The following ADAMTS17 variants were observed in gnomAD, a reference collection of about 807,000 sequenced individuals.
ADAMTS17 encodes ADAM metallopeptidase with thrombospondin type 1 motif 17, also known as A disintegrin and metalloproteinase with thrombospondin motifs 17.
ADAMTS17 carries 113 observed loss-of-function variants against 141.5 expected under a neutral mutation model. That is an observed-to-expected ratio of 0.80 (90% CI 0.69 to 0.93). The LOEUF (loss-of-function observed/expected upper bound fraction) is 0.93, where lower values mean the gene tolerates loss of function less well. Among genes scored for constraint, ADAMTS17 ranks in the 40% least tolerant of loss-of-function variants. The pLI is 0.00. For missense variants in ADAMTS17, 1,659 were observed against 1,517.9 expected, an observed-to-expected ratio of 1.09 and a Z score of -1.54; for synonymous variants, 768 against 630.6, an observed-to-expected ratio of 1.22 and a Z score of -3.27.
At chr15:100,137,867 C>A in intron 10 of ADAMTS17, among the ~76,000 whole-genome samples, 1 of 152,098 alleles carries the variant, frequency 6.6e-6, no homozygotes, top group East Asian at 1.9e-4. Flanking sequence ...CCTTTCACTA[C>A]CAACACCCAC....
chr15:100,289,012 C>A (rs1322533199), intron 3 of ADAMTS17, among the ~76,000 whole-genome samples: 1 of 151,950 alleles, frequency 6.6e-6, no homozygotes, highest in Non-Finnish European at 1.5e-5. Context: ...CACAGCTGAA[C>A]TGAATAAAAT....
chr15:100,081,342 A>G (rs1310219884), intron 15 of ADAMTS17, among the ~76,000 whole-genome samples: 1 of 152,162 alleles, frequency 6.6e-6, no homozygotes, highest in African/African-American at 2.4e-5. Flanking sequence ...AATACTTAAT[A>G]AACTCCCCTA....
intron 3 of ADAMTS17, among the ~76,000 whole-genome samples, chr15:100,314,089 G>A (rs1261849816): frequency 6.6e-6 from 1 of 152,208 alleles, no homozygotes; most frequent in Non-Finnish European, 1.5e-5. Flanking sequence ...AGAAACGTCA[G>A]ACAAAACCAA....
chr15:100,205,784 G>C (rs4387578), intron 7 of ADAMTS17, among the ~76,000 whole-genome samples: 1 of 152,234 alleles, frequency 6.6e-6, no homozygotes, highest in Non-Finnish European at 1.5e-5. Flanking sequence ...AGGGGAAGCA[G>C]CCTCCAGGCC....
intron 21 of ADAMTS17, among the ~76,000 whole-genome samples, chr15:99,975,278 C>T (rs553685899): frequency 2.0e-3 from 298 of 152,326 alleles, no homozygotes; most frequent in Admixed American, 3.3e-3. Flanking sequence ...GGCACGATCT[C>T]GGCTCACTAC....
At chr15:100,086,465 G>A (rs1295596518) in intron 15 of ADAMTS17, among the ~76,000 whole-genome samples, 1 of 152,002 alleles carries the variant, frequency 6.6e-6, no homozygotes, top group African/African-American at 2.4e-5. Context: ...AGGATATCCA[G>A]GAATTGAACT....
chr15:100,198,749 G>C (rs1236301413), intron 8 of ADAMTS17, among the ~76,000 whole-genome samples: 1 of 152,190 alleles, frequency 6.6e-6, no homozygotes, highest in Non-Finnish European at 1.5e-5. Context: ...CTGACGCTCT[G>C]TTTCCTCATC....
chr15:100,136,199 G>T (rs1258898235), intron 10 of ADAMTS17, among the ~76,000 whole-genome samples: 1 of 152,170 alleles, frequency 6.6e-6, no homozygotes. Flanking sequence ...CAGAACAGAT[G>T]AATGCTGGTA....
intron 8 of ADAMTS17, among the ~76,000 whole-genome samples, chr15:100,174,496 T>G (rs996723824): frequency 4.0e-4 from 61 of 152,348 alleles, no homozygotes; most frequent in Non-Finnish European, 5.9e-5. Context: ...GAAATTTCCA[T>G]GCAGTTTCAT....
chr15:100,032,444 A>G (rs2030270921), intron 18 of ADAMTS17, among the ~76,000 whole-genome samples: 1 of 152,180 alleles, frequency 6.6e-6, no homozygotes, highest in Non-Finnish European at 1.5e-5. Flanking sequence ...CCAGAAAACC[A>G]ACTAACTACA....
At chr15:100,310,235 C>G (rs2045358959) in intron 3 of ADAMTS17, among the ~76,000 whole-genome samples, 1 of 152,180 alleles carries the variant, frequency 6.6e-6, no homozygotes, top group Non-Finnish European at 1.5e-5. Context: ...AGGGACAAAG[C>G]AGGCAGGAGA....
intron 18 of ADAMTS17, among the ~76,000 whole-genome samples, chr15:100,039,650 A>ACTGGCCT (rs2031068639): frequency 6.6e-6 from 1 of 152,150 alleles, no homozygotes; most frequent in South Asian, 2.1e-4. Flanking sequence ...AGATTTATTT[A>ACTGGCCT]CTGGCCTAGT....
chr15:100,331,791 A>G (rs1430828431), intron 2 of ADAMTS17, among the ~76,000 whole-genome samples: 1 of 151,950 alleles, frequency 6.6e-6, no homozygotes, highest in Non-Finnish European at 1.5e-5. Flanking sequence ...GACACACTAC[A>G]CCCCTGGTTC....
intron 15 of ADAMTS17, among the ~76,000 whole-genome samples, chr15:100,087,701 C>A (rs530446051): frequency 6.6e-6 from 1 of 152,148 alleles, no homozygotes; most frequent in African/African-American, 2.4e-5. Flanking sequence ...AATCAAGAAA[C>A]GTAATCCAGC....
intron 3 of ADAMTS17, among the ~76,000 whole-genome samples, chr15:100,288,485 A>G (rs1306106607): frequency 2.0e-5 from 3 of 152,256 alleles, no homozygotes; most frequent in African/African-American, 7.2e-5. Context: ...AAAGATATTC[A>G]GGACGTGAAC....
intron 3 of ADAMTS17, among the ~76,000 whole-genome samples, chr15:100,329,758 C>T (rs1208563994): frequency 6.6e-6 from 1 of 152,178 alleles, no homozygotes; most frequent in Non-Finnish European, 1.5e-5. Context: ...ACCTCTAATA[C>T]TCACCTTGCC....
chr15:100,299,712 T>C (rs537975574), intron 3 of ADAMTS17, among the ~76,000 whole-genome samples: 2 of 152,296 alleles, frequency 1.3e-5, no homozygotes, highest in African/African-American at 4.8e-5. Flanking sequence ...TTGACAAGGA[T>C]GTAAGAGAAA....
chr15:100,297,491 T>A (rs569481042), intron 3 of ADAMTS17, among the ~76,000 whole-genome samples: 3 of 151,950 alleles, frequency 2.0e-5, no homozygotes, highest in African/African-American at 7.2e-5. Flanking sequence ...AAGAAGCAAA[T>A]AGATTCAGGA....
chr15:100,150,339 G>A (rs1255251044), intron 10 of ADAMTS17, among the ~76,000 whole-genome samples: 1 of 152,180 alleles, frequency 6.6e-6, no homozygotes, highest in Non-Finnish European at 1.5e-5. Flanking sequence ...ATCTTTGAAT[G>A]ACAGTAGCTT....
Sources: gnomAD v4.1 joint callset for allele counts (sites outside exome capture counted in the v4.1 genomes callset) on GRCh38, gnomAD v4.1.1 for gene constraint, MANE v1.5 for transcripts, NCBI Gene and HGNC (gene_info 2026-07-23, HGNC 2026-07-21) for gene names.